Variants in RBPJ observed in about 807,000 individuals in gnomAD.
RBPJ encodes recombining binding protein suppressor of hairless.
In RBPJ, 9 loss-of-function variants were observed where a neutral mutation model predicts 67.8. The observed-to-expected ratio is 0.13, with a 90% confidence interval of 0.08 to 0.23. The LOEUF is 0.23. Among genes scored for constraint, RBPJ ranks in the 10% least tolerant of loss-of-function variants. RBPJ has a pLI of 1.00. For synonymous variants in RBPJ, 198 were observed against 203.3 expected, an observed-to-expected ratio of 0.97 and a Z score of 0.22; for missense variants, 305 against 595.6, an observed-to-expected ratio of 0.51 and a Z score of 5.08.
chr4:26,423,448 G>A (rs1015509094), intron 5 of RBPJ, among the ~76,000 whole-genome samples: 4 of 152,216 alleles, frequency 2.6e-5, no homozygotes, highest in African/African-American at 9.6e-5. Flanking sequence ...GCTCAGAGCA[G>A]CCTGCTTAAA....
upstream of RBPJ, chr4:26,320,935 G>A (rs1389648594): frequency 9.3e-6 from 15 of 1,610,212 alleles, no homozygotes; most frequent in Admixed American, 1.8e-4. Flanking sequence ...GAATCGAGGA[G>A]TGAGGAAAAA....
intron 1 of RBPJ, among the ~76,000 whole-genome samples, chr4:26,346,890 G>A (rs1726208827): frequency 6.6e-6 from 1 of 152,020 alleles, no homozygotes; most frequent in African/African-American, 2.4e-5. Flanking sequence ...TACTTGGGAG[G>A]CTGAAGCAGG....
At chr4:26,191,754 A>G (rs1297366847) in intron 1 of RBPJ, among the ~76,000 whole-genome samples, 1 of 152,166 alleles carries the variant, frequency 6.6e-6, no homozygotes, top group Admixed American at 6.5e-5. Context: ...CTGGCTGGTC[A>G]TAAAGGCACT....
chr4:26,153,744 T>G, the RBPJ span, among the ~76,000 whole-genome samples: 1 of 152,226 alleles, frequency 6.6e-6, no homozygotes, highest in African/African-American at 2.4e-5. Context: ...AGGCCGTTTT[T>G]CTGCAGTGTT....
the RBPJ span, among the ~76,000 whole-genome samples, chr4:26,157,500 G>A: frequency 1.3e-5 from 2 of 152,088 alleles, no homozygotes; most frequent in Non-Finnish European, 2.9e-5. Context: ...TGATTAAGCA[G>A]CTTATTTACT....
At chr4:26,427,921 C>A (rs1437179605) in intron 7 of RBPJ, among the ~76,000 whole-genome samples, 1 of 152,146 alleles carries the variant, frequency 6.6e-6, no homozygotes, top group African/African-American at 2.4e-5. Flanking sequence ...TTAGCCATTA[C>A]CTTCTAGGTG....
chr4:26,265,394 TA>T (rs1224390943), intron 1 of RBPJ, among the ~76,000 whole-genome samples: 3 of 151,880 alleles, frequency 2.0e-5, no homozygotes, highest in Non-Finnish European at 4.4e-5. Context: ...CCAGGCGTGG[TA>T]GTGGGCATCT....
At chr4:26,389,110 T>TCCCAGCTTCC (rs913242450) in intron 2 of RBPJ, among the ~76,000 whole-genome samples, 2 of 151,610 alleles carry the variant, frequency 1.3e-5, no homozygotes, top group African/African-American at 2.4e-5. Flanking sequence ...GTGCCTGTAG[T>TCCCAGCTTCC]CCCAGCTTCT....
At chr4:26,245,995 G>T (rs73114513) in intron 1 of RBPJ, among the ~76,000 whole-genome samples, 40,245 of 151,976 alleles carry the variant, frequency 0.26, 5,347 homozygotes, top group African/African-American at 0.29. Context: ...AATGGGAAAG[G>T]GTAAGTCTCC....
At chr4:26,340,687 G>A (rs1028966425) in intron 1 of RBPJ, among the ~76,000 whole-genome samples, 7 of 151,876 alleles carry the variant, frequency 4.6e-5, no homozygotes, top group Admixed American at 1.3e-4. Flanking sequence ...GTGAAACCCC[G>A]TCTCTACTAA....
the RBPJ span, among the ~76,000 whole-genome samples, chr4:26,157,087 AAAC>A: frequency 2.1e-4 from 8 of 39,020 alleles, no homozygotes; most frequent in African/African-American, 4.8e-4. Context: ...AAAAACAAAC[AAAC>A]AAACAAACAA....
chr4:26,311,720 C>T (rs1722433209), intron 1 of RBPJ, among the ~76,000 whole-genome samples: 1 of 152,132 alleles, frequency 6.6e-6, no homozygotes. Flanking sequence ...TGTGCCATTA[C>T]TCCCTTTAGT....
Position 26,433,564 on chromosome 4 carries a change from G to T in RBPJ, c.*2557G>T, listed in dbSNP as rs1459866524. On this transcript the variant is annotated 3_prime_UTR_variant, in exon 11 of 11. Transcript: ENST00000355476. ...TGTTTTATTTTGATAGTTTCTTTCC[G>T]TAAGATAATTGAAATATTATACTGT... The T allele has an allele frequency of 6.6e-6, 1 of 151,894 alleles. No homozygotes were observed. Among genetic ancestry groups the T allele is most frequent in the African/African-American group, 2.4e-5 (1 of 41,322 alleles). The allele number at this position is 151,894 out of a possible 1,614,324, so 9.4% of individuals were successfully genotyped here.
intron 1 of RBPJ, among the ~76,000 whole-genome samples, chr4:26,333,601 G>C (rs940961600): frequency 6.6e-6 from 1 of 151,912 alleles, no homozygotes; most frequent in African/African-American, 2.4e-5. Flanking sequence ...TGTTACCCAG[G>C]CAGACTTGGA....
intron 1 of RBPJ, among the ~76,000 whole-genome samples, chr4:26,307,124 A>G (rs917307315): frequency 6.6e-6 from 1 of 152,180 alleles, no homozygotes; most frequent in Non-Finnish European, 1.5e-5. Flanking sequence ...ACTTGTGTAA[A>G]TCATACCCTC....
At chr4:26,184,464 G>A (rs988130489) in intron 1 of RBPJ, among the ~76,000 whole-genome samples, 5 of 152,108 alleles carry the variant, frequency 3.3e-5, no homozygotes, top group Non-Finnish European at 7.4e-5. Flanking sequence ...GCTGAAGGCA[G>A]GCCAAGGTGA....
intron 1 of RBPJ, among the ~76,000 whole-genome samples, chr4:26,306,107 C>A (rs13144133): frequency 2.0e-5 from 3 of 151,768 alleles, no homozygotes; most frequent in Non-Finnish European, 4.4e-5. Flanking sequence ...TTTTCTATGC[C>A]TAAGATCATG....
intron 1 of RBPJ, among the ~76,000 whole-genome samples, chr4:26,277,077 G>A (rs1317774018): frequency 6.6e-6 from 1 of 151,244 alleles, no homozygotes; most frequent in Non-Finnish European, 1.5e-5. Flanking sequence ...GGCCAGGAGT[G>A]GGGACCAGCC....
chr4:26,224,326 T>A (rs1719013471), intron 1 of RBPJ, among the ~76,000 whole-genome samples: 1 of 152,086 alleles, frequency 6.6e-6, no homozygotes, highest in South Asian at 2.1e-4. Context: ...GCCTCCCAGG[T>A]TCAAGCTATT....
Sources: gnomAD v4.1 joint callset for allele counts (sites outside exome capture counted in the v4.1 genomes callset) on GRCh38, gnomAD v4.1.1 for gene constraint, MANE v1.5 for transcripts, NCBI Gene and HGNC (gene_info 2026-07-23, HGNC 2026-07-21) for gene names.